CLCN2: variants seen among roughly 807,000 people sequenced by gnomAD.
CLCN2 encodes chloride channel protein 2.
A neutral mutation model predicts 108.3 loss-of-function variants in CLCN2; 72 were observed. The observed-to-expected ratio is 0.66, with a 90% CI of 0.55 to 0.81. The LOEUF (loss-of-function observed/expected upper bound fraction) is 0.81. CLCN2 is among the 30% of genes least tolerant of loss of function. CLCN2 has a pLI of 0.00. For missense variants in CLCN2, 1,048 were observed against 1,205.2 expected, an observed-to-expected ratio of 0.87 and a Z score of 1.93; for synonymous variants, 471 against 467.1, an observed-to-expected ratio of 1.01 and a Z score of -0.11.
chr3:184,352,624 G>T, intron 19 of CLCN2, 113 bp downstream of exon 19: 1 of 1,454,406 alleles, frequency 6.9e-7, no homozygotes, highest in Non-Finnish European at 9.6e-7. Flanking sequence ...AGCAGGGAGG[G>T]CCGAAGGGCA....
Position 184,358,720 on chromosome 3 carries a change from C to G in CLCN2, c.314G>C (p.Ser105Thr). Residue 105 changes from serine to threonine, a missense_variant, in exon 3 of 24, where the codon AGC becomes ACC. Ser to Thr is a moderately conservative substitution (Grantham distance 58). Transcript: ENST00000265593. ...VLLGLLMALV[S>T]WVMDYAIAAC... ...AGCAATGGCATAGTCCATGACCCAG[C>G]TGACCAATGCCATGAGAAGCCCCAG... The G allele has an allele frequency of 6.3e-7, 1 of 1,591,546 alleles. No homozygotes were observed. The highest frequency in any genetic ancestry group is 1.3e-5 in the African/African-American group (1 of 74,550).
In CLCN2 at chr3:184,358,782, T is replaced by A. The variant is rs370723107; in HGVS notation, c.252A>T (p.Val84=). 2.5e-6 allele frequency: 4 copies of A among 1,612,944 alleles called. No homozygotes were observed. Among genetic ancestry groups the A allele is most frequent in the Admixed American group, 1.7e-5 (1 of 59,816 alleles). ...VCSVRCHKFL[V]SRVGEDWIFL... ...AGATCCAATCTTCACCAACCCTGGA[T>A]ACTAGGAACTTGTGGCAGCGGACAG... Residue 84 remains valine (V), a synonymous_variant, in exon 3 of 24, where the codon GTA becomes GTT. Transcript: ENST00000265593.
rs1040457623 is a variant in CLCN2, at chr3:184,346,788, T to C, written c.2515A>G (p.Ile839Val). ...IVTLKELRKAIEGSVTAQGVK... is the reference protein window; with the variant it reads ...IVTLKELRKAVEGSVTAQGVK... ...CCCTGTGCTGTGACAGAGCCCTCGATGGCCTTCCGGAGCTGGAAAGGTGAG... is the reference window on the plus strand; with the variant it reads ...CCCTGTGCTGTGACAGAGCCCTCGACGGCCTTCCGGAGCTGGAAAGGTGAG... The change falls in exon 24 of 24, where the codon ATC (isoleucine) becomes GTC (valine). Residue 839 changes from isoleucine (I) to valine (V), a missense_variant. Transcript: ENST00000265593. This position sits in a 1 kb window ranked among gnomAD's most constrained non-coding sequence, Gnocchi z 6.0. The C allele has an allele frequency of 1.9e-6, 3 of 1,613,920 alleles. No individual in the cohort carries two copies. Among genetic ancestry groups the C allele is most frequent in the Non-Finnish European group, 2.5e-6 (3 of 1,180,000 alleles).
chr3:184,361,601 A>G lies in CLCN2; in HGVS notation c.-122T>C. 1.1e-6 allele frequency: 1 copy of G among 926,260 alleles called. No homozygotes were observed. Among genetic ancestry groups the G allele is most frequent in the Non-Finnish European group, 1.5e-6 (1 of 689,100 alleles). The allele number at this position is 926,260 out of a possible 1,614,324, so 57.4% of individuals were successfully genotyped here. Reference sequence around the variant, plus strand: ...CCGCAGCCCGGGAGGCCGAGAGCAGAGTGCGGCGGGCCCCCGGCGGGCGCC... The same window carrying G: ...CCGCAGCCCGGGAGGCCGAGAGCAGGGTGCGGCGGGCCCCCGGCGGGCGCC... On this transcript the variant is annotated 5_prime_UTR_variant, in exon 1 of 24. Transcript: ENST00000265593. The surrounding 1 kb of genome is among the most constrained non-coding windows in gnomAD (Gnocchi z 6.6).
At chr3:184,352,211 T>A (rs1427577465) in intron 21 of CLCN2, 82 bp downstream of exon 21, 3 of 1,598,008 alleles carry the variant, frequency 1.9e-6, no homozygotes, top group Non-Finnish European at 2.6e-6. Context: ...AACCCCGTGG[T>A]CCCTCCCATG....
At chr3:184,350,166 A>G (rs2108558252) in intron 22 of CLCN2, among the ~76,000 whole-genome samples, 1 of 152,048 alleles carries the variant, frequency 6.6e-6, no homozygotes. Context: ...GTTCTTTTTC[A>G]TTTAATTCAA....
Position 184,355,935 on chromosome 3 carries a change from G to A in CLCN2, c.1086-157C>T. ...GCTGTTTATGATACGATAGCCCCAA[G>A]GCTGATGGTGGACTGGGGTTATTCT... On this transcript the variant is annotated intron_variant, in intron 10 of 23. Transcript: ENST00000265593. This position sits in a 1 kb window ranked among gnomAD's most constrained non-coding sequence, Gnocchi z 6.3. The A allele has an allele frequency of 1.5e-6, 1 of 688,530 alleles. No individual in the cohort carries two copies. Among genetic ancestry groups the A allele is most frequent in the Non-Finnish European group, 2.6e-6 (1 of 380,358 alleles). The allele number at this position is 688,530 out of a possible 1,614,324, so 42.7% of individuals were successfully genotyped here. A position where few individuals can be genotyped will look rare whatever the true frequency, so the allele number is the denominator to read the frequency against.
intron 3 of CLCN2, 139 bp from the exon 4 acceptor site, chr3:184,358,449 G>T: frequency 7.7e-7 from 1 of 1,291,882 alleles, no homozygotes; most frequent in East Asian, 2.4e-5. Context: ...GTCCCTGAGG[G>T]TATTCACTGG....
In CLCN2 at chr3:184,353,725, G is replaced by A. The variant is rs755448536; in HGVS notation, c.1792C>T (p.Arg598Trp). Reference protein sequence around the residue: ...VPHVALSCTFRDLRLALHRTK... With the variant: ...VPHVALSCTFWDLRLALHRTK... ...CTGTGCAGTGCCAAACGCAGGTCCC[G>A]GAAGGTGCAGCTGAGGGCCACATGG... The change falls in exon 16 of 24, where the codon CGG becomes TGG. Residue 598 changes from arginine (R) to tryptophan (W), a missense_variant. Coordinates refer to ENST00000265593, the MANE Select transcript of CLCN2 (RefSeq NM_004366.6). The A allele has an allele frequency of 1.2e-5, 19 of 1,608,562 alleles. No individual in the cohort carries two copies. The highest frequency in any genetic ancestry group is 2.7e-5 in the African/African-American group (2 of 74,884).
At chr3:184,352,224 G>A (rs927010191) in intron 21 of CLCN2, 69 bp downstream of exon 21, 74 of 1,608,218 alleles carry the variant, frequency 4.6e-5, no homozygotes, top group Non-Finnish European at 5.9e-5. Flanking sequence ...CTCCCATGGG[G>A]ACAGCAGCCA....
In CLCN2 at chr3:184,354,933, C is replaced by G. The variant is rs1370537338; in HGVS notation, c.1367G>C (p.Cys456Ser). The change falls in exon 13 of 24, where the codon TGT becomes TCT. Residue 456 changes from cysteine to serine, a missense_variant. By Grantham distance (112) the Cys-to-Ser change is moderately radical. Coordinates refer to ENST00000265593, the MANE Select transcript of CLCN2 (RefSeq NM_004366.6). ...GACAAAGACAGGCATGAAGGCCCCA[C>G]AGGGAACTGGGATGGTGGTGGCCAG... ...SALATTIPVP[C>S]GAFMPVFVIG... The G allele has an allele frequency of 6.2e-7, 1 of 1,613,994 alleles. No homozygotes were observed. Among genetic ancestry groups the G allele is most frequent in the Admixed American group, 1.7e-5 (1 of 60,016 alleles).
rs558074883 is a variant in CLCN2, at chr3:184,352,754, G to T, written c.2200C>A (p.Pro734Thr). 7.4e-6 allele frequency: 12 copies of T among 1,613,090 alleles called. No individual in the cohort carries two copies. The South Asian group carries it at 8.8e-5, about 12-fold the overall frequency. Residue 734 changes from proline (P) to threonine (T), a missense_variant, in exon 19 of 24, where the codon CCT becomes ACT. Transcript: ENST00000265593. ...LRSLFCGSPP[P>T]EAASEKLESC... Reference sequence around the variant, plus strand: ...CCACTCACCTCCGAAGCAGCCTCAGGGGGTGGACTGCCACAGAAGAGGCTC... The same window carrying T: ...CCACTCACCTCCGAAGCAGCCTCAGTGGGTGGACTGCCACAGAAGAGGCTC...
At chr3:184,352,157 T>C in intron 21 of CLCN2, 40 bp from the exon 22 acceptor site, 1 of 1,593,510 alleles carries the variant, frequency 6.3e-7, no homozygotes, top group Non-Finnish European at 8.6e-7. Flanking sequence ...AGAAGGTGCC[T>C]GTAGCTGACC....
Position 184,346,565 on chromosome 3 carries a change from A to AC in CLCN2, c.*40dup. 1 of 1,606,930 alleles carries AC rather than the reference A, an allele frequency of 6.2e-7. No homozygotes were observed. Among genetic ancestry groups the AC allele is most frequent in the Non-Finnish European group, 8.5e-7 (1 of 1,175,216 alleles). On this transcript the variant is annotated 3_prime_UTR_variant, in exon 24 of 24. Transcript: ENST00000265593. The surrounding 1 kb of genome is among the most constrained non-coding windows in gnomAD (Gnocchi z 6.0). ...AATGAAAGATGCACATTCTGGGCTG[A>AC]CGGGCATGGCTAGCACCATCCTAGG...
intron 22 of CLCN2, among the ~76,000 whole-genome samples, chr3:184,351,164 T>C (rs1195476511): frequency 6.6e-6 from 1 of 152,184 alleles, no homozygotes; most frequent in African/African-American, 2.4e-5. Context: ...AGAGCTTGTG[T>C]GTAAGCTGAA....
Position 184,357,223 on chromosome 3 carries a change from G to A in CLCN2, c.942C>T (p.Phe314=). The A allele has an allele frequency of 6.2e-7, 1 of 1,614,052 alleles. No homozygotes were observed. The highest frequency in any genetic ancestry group is 8.5e-7 in the Non-Finnish European group (1 of 1,180,042). ...ALFKTRFRLD[F]PFDLQELPAF... ...CTGGCAGCTCCTGCAGGTCAAAGGG[G>A]AAGTCGAGCCGGAATCGGGTTTTGA... The change falls in exon 9 of 24, where the codon TTC becomes TTT. Residue 314 remains phenylalanine, a synonymous_variant. Coordinates refer to ENST00000265593, the MANE Select transcript of CLCN2 (RefSeq NM_004366.6).
chr3:184,358,013 C>T lies in CLCN2; in HGVS notation c.564G>A (p.Lys188=), dbSNP rs1217359786. 6.2e-7 allele frequency: 1 copy of T among 1,614,000 alleles called. No homozygotes were observed. Among genetic ancestry groups the T allele is most frequent in the Non-Finnish European group, 8.5e-7 (1 of 1,180,050 alleles). The stretch of plus-strand genomic sequence containing the variant: ...CTAGGGCGCAGGTCAGCCCAATGAC[C>T]TTAGCTATAAAGGTCTTGAGTGTGA... ...EYLTLKTFIA[K]VIGLTCALGS... The change falls in exon 5 of 24, where the codon AAG becomes AAA. Residue 188 remains lysine (K), a synonymous_variant. Coordinates refer to ENST00000265593, the MANE Select transcript of CLCN2 (RefSeq NM_004366.6).
At chr3:184,354,379 G>T in intron 14 of CLCN2, 65 bp from the exon 15 acceptor site, 1 of 1,540,772 alleles carries the variant, frequency 6.5e-7, no homozygotes, top group Non-Finnish European at 8.9e-7. Context: ...CACAACCAGG[G>T]CAGGTCCTGA....
In CLCN2 at chr3:184,353,328, C is replaced by T. The variant is rs773624994; in HGVS notation, c.1950G>A (p.Gln650=). Residue 650 remains glutamine, a synonymous_variant, in exon 17 of 24, where the codon CAG becomes CAA. Transcript: ENST00000265593. ...GAGAGGTCTGGGTGGCTCTGCGCTCCTGCATGTGCTGCCGCCGGCGGGCTG... is the reference window on the plus strand; with the variant it reads ...GAGAGGTCTGGGTGGCTCTGCGCTCTTGCATGTGCTGCCGCCGGCGGGCTG... ...LSPARRRQHM[Q]ERRATQTSPL... is the part of the protein sequence containing the mutation. 1.2e-6 allele frequency: 2 copies of T among 1,613,430 alleles called. No homozygotes were observed. Among genetic ancestry groups the T allele is most frequent in the Non-Finnish European group, 1.7e-6 (2 of 1,179,966 alleles).
Sources: gnomAD v4.1 joint callset for allele counts (sites outside exome capture counted in the v4.1 genomes callset) on GRCh38, gnomAD v4.1.1 for gene constraint, Gnocchi (gnomAD v3.1) non-coding constraint, MANE v1.5 for transcripts, NCBI Gene and HGNC (gene_info 2026-07-23, HGNC 2026-07-21) for gene names.